Variants in ACSL1 observed in about 807,000 individuals in gnomAD.
ACSL1 encodes long-chain-fatty-acid--CoA ligase 1.
Under a neutral mutation model 98.4 loss-of-function variants are expected in ACSL1, and 41 were observed. The observed-to-expected ratio is 0.42, with a 90% CI of 0.32 to 0.54. The LOEUF (loss-of-function observed/expected upper bound fraction) is 0.54, where lower values mean the gene tolerates loss of function less well. ACSL1 is among the 20% of genes least tolerant of loss of function. The pLI, the probability that ACSL1 is intolerant of heterozygous loss-of-function variation, is 0.13. For missense variants in ACSL1, 734 were observed against 883.1 expected (o/e 0.83, Z 2.14); for synonymous variants, 316 against 322.7 (o/e 0.98, Z 0.22).
intron 5 of ACSL1, 128 bp downstream of exon 5, chr4:184,780,203 TC>T (rs1456057286): frequency 2.5e-6 from 2 of 811,032 alleles, no homozygotes; most frequent in Non-Finnish European, 3.9e-6. Context: ...TGTGTAACTT[TC>T]TAAGGTGTAA....
At chr4:184,785,904 A>G (rs1459691417) in intron 3 of ACSL1, among the ~76,000 whole-genome samples, 1 of 152,094 alleles carries the variant, frequency 6.6e-6, no homozygotes, top group Non-Finnish European at 1.5e-5. Context: ...CCTCACATCT[A>G]TGTGGTTTTT....
At chr4:184,821,433 T>C in intron 1 of ACSL1, 3 of 174,012 alleles carry the variant, frequency 1.7e-5, no homozygotes, top group South Asian at 2.0e-4. Context: ...CCCTCCAGAA[T>C]GAGGAAATGG....
chr4:184,795,440 T>C (rs1769185349), intron 2 of ACSL1, among the ~76,000 whole-genome samples: 1 of 152,260 alleles, frequency 6.6e-6, no homozygotes, highest in Non-Finnish European at 1.5e-5. Flanking sequence ...ACCTGCTTTA[T>C]CATATTCCCT....
At chr4:184,787,809 A>G (rs556277300) in intron 3 of ACSL1, among the ~76,000 whole-genome samples, 5 of 147,834 alleles carry the variant, frequency 3.4e-5, no homozygotes, top group African/African-American at 1.3e-4. Context: ...GGCTGCGGTG[A>G]GCCAAGATCA....
chr4:184,760,565 C>T (rs1762720199), intron 17 of ACSL1, 65 bp from the exon 18 acceptor site: 2 of 1,587,954 alleles, frequency 1.3e-6, no homozygotes, highest in Admixed American at 1.7e-5. Context: ...GGATGGATCC[C>T]AGTACAACAC....
At chr4:184,761,574 G>C (rs555032496) in intron 17 of ACSL1, among the ~76,000 whole-genome samples, 4 of 152,306 alleles carry the variant, frequency 2.6e-5, no homozygotes, top group African/African-American at 7.2e-5. Context: ...TACAGTAAAT[G>C]GTTCTGAGAC....
intron 5 of ACSL1, among the ~76,000 whole-genome samples, chr4:184,779,809 C>T (rs1280949027): frequency 6.6e-6 from 1 of 152,016 alleles, no homozygotes; most frequent in East Asian, 1.9e-4. Context: ...AAATAATCCC[C>T]CCAAAAAAGT....
rs1762080103 is a variant in ACSL1, at chr4:184,755,869, C to T, written c.*1256G>A. The T allele has an allele frequency of 6.6e-6, 1 of 152,626 alleles. No homozygotes were observed. Among genetic ancestry groups the T allele is most frequent in the Admixed American group, 6.5e-5 (1 of 15,284 alleles). The allele number at this position is 152,626 out of a possible 1,614,324, so 9.5% of individuals were successfully genotyped here. ...CCCCAAAACAGCTGCTTTAAATGTA[C>T]AAATGACAGCTCAATTCAGTCAAAT... is the stretch of plus-strand genomic sequence containing the variant. On this transcript the variant is annotated 3_prime_UTR_variant, in exon 21 of 21. Transcript: ENST00000281455.
chr4:184,774,489 C>A (rs1764988391), intron 7 of ACSL1, among the ~76,000 whole-genome samples: 1 of 152,160 alleles, frequency 6.6e-6, no homozygotes, highest in Non-Finnish European at 1.5e-5. Flanking sequence ...AAGACTCCTT[C>A]CTGAATGGAC....
In ACSL1 at chr4:184,776,986, A is replaced by G. The variant is rs1310721857; in HGVS notation, c.478-3T>C. The G allele has an allele frequency of 6.2e-7, 1 of 1,613,582 alleles. No homozygotes were observed. Among genetic ancestry groups the G allele is most frequent in the South Asian group, 1.1e-5 (1 of 91,064 alleles). Reference sequence around the variant, plus strand: ...CATCCTTGTTCAATAATCACCCACTAAACAAACAGTAAAGGTCAGGGAGAG... The same window carrying G: ...CATCCTTGTTCAATAATCACCCACTGAACAAACAGTAAAGGTCAGGGAGAG... On this transcript the variant is annotated splice_polypyrimidine_tract_variant and splice_region_variant and intron_variant, in intron 5 of 20. Transcript: ENST00000281455.
At chr4:184,797,159 CCCGCT>C (rs1769542173) in intron 2 of ACSL1, among the ~76,000 whole-genome samples, 3 of 114,016 alleles carry the variant, frequency 2.6e-5, no homozygotes, top group Non-Finnish European at 4.0e-5. Context: ...AACAACAGCT[CCCGCT>C]CACAGCGGGC....
rs567030865 is a variant in ACSL1, at chr4:184,823,461, TTCCTC to T, written c.-33+2450_-33+2454del. Among the ~76,000 whole-genome samples the T allele has an allele frequency of 2.8e-3, 427 of 152,292 alleles. 4 individuals are homozygous for T. The highest frequency in any genetic ancestry group is 9.7e-3 in the African/African-American group (403 of 41,552). On this transcript the variant is annotated intron_variant, in intron 1 of 20. Coordinates refer to ENST00000281455, the MANE Select transcript of ACSL1 (RefSeq NM_001995.5). ...TTCAATTGATCTTAAAAACTAAACA[TTCCTC>T]TAAGGTTACTGACTATAAATATCTA...
At chr4:184,820,359 T>A (rs1192996461) in intron 1 of ACSL1, among the ~76,000 whole-genome samples, 1 of 152,140 alleles carries the variant, frequency 6.6e-6, no homozygotes, top group Non-Finnish European at 1.5e-5. Context: ...AAGACCAATG[T>A]CCAGGGCAGG....
At chr4:184,823,959 C>A (rs1773261145) in intron 1 of ACSL1, among the ~76,000 whole-genome samples, 5 of 152,184 alleles carry the variant, frequency 3.3e-5, no homozygotes. Flanking sequence ...CCTAACCCTA[C>A]ATGCATGGGT....
At chr4:184,760,282 C>A in intron 18 of ACSL1, 75 bp downstream of exon 18, 3 of 1,514,064 alleles carry the variant, frequency 2.0e-6, no homozygotes, top group Admixed American at 2.0e-5. Context: ...AACTTCCAAT[C>A]ACATTTAAAG....
chr4:184,763,852 T>TTAGA (rs1164981013), intron 15 of ACSL1, among the ~76,000 whole-genome samples: 1 of 152,226 alleles, frequency 6.6e-6, no homozygotes, highest in African/African-American at 2.4e-5. Flanking sequence ...ATTAGATATG[T>TTAGA]TAGATATCAC....
chr4:184,824,577 T>C (rs866543717), intron 1 of ACSL1, among the ~76,000 whole-genome samples: 2 of 152,216 alleles, frequency 1.3e-5, no homozygotes, highest in Non-Finnish European at 2.9e-5. Context: ...TTTAGTCTAA[T>C]GCAGTTTGTT....
At chr4:184,761,852 G>A (rs1313899057) in intron 17 of ACSL1, among the ~76,000 whole-genome samples, 2 of 150,488 alleles carry the variant, frequency 1.3e-5, no homozygotes, top group East Asian at 3.9e-4. Context: ...GGCCAGGCGC[G>A]GTGGTGGCTC....
In ACSL1 at chr4:184,776,905, T is replaced by C; in HGVS notation, c.556A>G (p.Ile186Val). The change falls in exon 6 of 21, where the codon ATC (isoleucine) becomes GTC (valine). Residue 186 changes from isoleucine to valine, a missense_variant. Ile to Val is a conservative substitution (Grantham distance 29). Coordinates refer to ENST00000281455, the MANE Select transcript of ACSL1 (RefSeq NM_001995.5). ...GTACCTTTGTTGACTATGTACGTGA[T>C]GGCTTCATTTCCAAGGGTATCATAA... is the stretch of plus-strand genomic sequence containing the variant. ...PLYDTLGNEA[I>V]TYIVNKAELS... is the part of the protein sequence containing the mutation. The C allele has an allele frequency of 6.2e-7, 1 of 1,614,206 alleles. No individual in the cohort carries two copies. Among genetic ancestry groups the C allele is most frequent in the South Asian group, 1.1e-5 (1 of 91,084 alleles).
Sources: gnomAD v4.1 joint callset for allele counts (sites outside exome capture counted in the v4.1 genomes callset) on GRCh38, gnomAD v4.1.1 for gene constraint, MANE v1.5 for transcripts, NCBI Gene and HGNC (gene_info 2026-07-23, HGNC 2026-07-21) for gene names.